The following HSP90AA1 variants were observed in gnomAD, a reference collection of about 807,000 sequenced individuals.
HSP90AA1 encodes heat shock protein 90 alpha family class A member 1, also known as heat shock protein HSP 90-alpha.
A neutral mutation model predicts 73.3 loss-of-function variants in HSP90AA1; 18 were observed. The observed-to-expected ratio is 0.25, with a 90% CI of 0.17 to 0.36. The LOEUF (loss-of-function observed/expected upper bound fraction) is 0.36, where lower values mean the gene tolerates loss of function less well. Among genes scored for constraint, HSP90AA1 ranks in the 10% least tolerant of loss-of-function variants. The probability of loss-of-function intolerance (pLI) is 1.00; values close to 1 mark genes in which losing one functional copy is unlikely to be tolerated. For synonymous variants in HSP90AA1, 477 were observed against 296.9 expected (o/e 1.61, Z -6.24); for missense variants, 704 against 874.2 (o/e 0.81, Z 2.45).
intron 4 of HSP90AA1, 92 bp downstream of exon 4, chr14:102,085,206 C>A (rs752352260): frequency 1.4e-5 from 21 of 1,463,798 alleles, no homozygotes; most frequent in Admixed American, 3.4e-5. Flanking sequence ...AGGCTTCAGA[C>A]TAGTTGAACA....
At chr14:102,125,351 A>G (rs1595679135) in intron 1 of HSP90AA1, among the ~76,000 whole-genome samples, 1 of 152,312 alleles carries the variant, frequency 6.6e-6, no homozygotes, top group African/African-American at 2.4e-5. Context: ...AACCCAGTTG[A>G]TAATTCTTGC....
intron 1 of HSP90AA1, among the ~76,000 whole-genome samples, chr14:102,118,211 G>A (rs906341646): frequency 1.3e-5 from 2 of 152,180 alleles, no homozygotes; most frequent in African/African-American, 2.4e-5. Flanking sequence ...TTCAGACAAG[G>A]GTGCCACCAG....
chr14:102,136,517 C>T (rs546206622), intron 1 of HSP90AA1, among the ~76,000 whole-genome samples: 33 of 121,330 alleles, frequency 2.7e-4, no homozygotes, highest in African/African-American at 8.8e-4. Flanking sequence ...TACGGTGAGC[C>T]GAGATCATGC....
intron 1 of HSP90AA1, among the ~76,000 whole-genome samples, chr14:102,116,248 C>T (rs1025119970): frequency 8.6e-5 from 13 of 151,252 alleles, no homozygotes; most frequent in Admixed American, 1.3e-4. Context: ...CCACTGTGCC[C>T]GGCCAAGACC....
At chr14:102,086,853 G>T in intron 1 of HSP90AA1, 133 bp downstream of exon 1, 1 of 400,820 alleles carries the variant, frequency 2.5e-6, no homozygotes, top group Non-Finnish European at 3.4e-6. Context: ...GGAATAGAAA[G>T]CGCGGCCGCC....
At chr14:102,101,182 T>TA (rs2049488682) in intron 2 of HSP90AA1, among the ~76,000 whole-genome samples, 1 of 152,166 alleles carries the variant, frequency 6.6e-6, no homozygotes, top group Non-Finnish European at 1.5e-5. Flanking sequence ...CTGCATGAGA[T>TA]ACACACATAT....
In HSP90AA1 at chr14:102,082,464, A is replaced by G; in HGVS notation, c.1756-20T>C. 2 of 1,578,426 alleles carry G rather than the reference A, an allele frequency of 1.3e-6. No individual in the cohort carries two copies. The highest frequency in any genetic ancestry group is 1.7e-6 in the Non-Finnish European group (2 of 1,153,074). ...AACCACCTGTAATCAAAAAGTGATGACTAGGAACCTAGAAAGATTAATTCC... is the reference window on the plus strand; with the variant it reads ...AACCACCTGTAATCAAAAAGTGATGGCTAGGAACCTAGAAAGATTAATTCC... On this transcript the variant is annotated intron_variant, in intron 9 of 10. Coordinates refer to ENST00000216281, the MANE Select transcript of HSP90AA1 (RefSeq NM_005348.4).
chr14:102,092,447 CT>C (rs2049371599), intron 2 of HSP90AA1, among the ~76,000 whole-genome samples: 1 of 151,806 alleles, frequency 6.6e-6, no homozygotes, highest in Admixed American at 6.6e-5. Flanking sequence ...TTTATTGGGC[CT>C]TGTTTAATGG....
chr14:102,088,344 C>T (rs1044211958), upstream of HSP90AA1, among the ~76,000 whole-genome samples: 1 of 152,184 alleles, frequency 6.6e-6, no homozygotes, highest in African/African-American at 2.4e-5. Flanking sequence ...CCTGCCTAGA[C>T]TCATAGCCAG....
chr14:102,105,219 CA>C (rs1232325237), intron 1 of HSP90AA1, among the ~76,000 whole-genome samples: 2,825 of 41,342 alleles, frequency 0.068, 186 homozygotes, highest in South Asian at 0.32. Flanking sequence ...AAAAAAAAAA[CA>C]AAAAAAAAAC....
chr14:102,127,148 T>TA (rs1316419863), intron 1 of HSP90AA1, among the ~76,000 whole-genome samples: 2 of 152,270 alleles, frequency 1.3e-5, no homozygotes, highest in Admixed American at 6.5e-5. Context: ...ACTAGCTCTT[T>TA]AAAAAATCTC....
At chr14:102,126,306 C>G (rs2049837911) in intron 1 of HSP90AA1, among the ~76,000 whole-genome samples, 1 of 151,788 alleles carries the variant, frequency 6.6e-6, no homozygotes. Flanking sequence ...TAAGGGGACA[C>G]GTGGACATGG....
intron 2 of HSP90AA1, among the ~76,000 whole-genome samples, chr14:102,096,528 C>A (rs897859166): frequency 6.6e-6 from 1 of 152,196 alleles, no homozygotes; most frequent in African/African-American, 2.4e-5. Flanking sequence ...CAGGCAAATA[C>A]GTGTCTGCCA....
chr14:102,137,222 C>A, intron 1 of HSP90AA1, among the ~76,000 whole-genome samples: 1 of 151,670 alleles, frequency 6.6e-6, no homozygotes, highest in East Asian at 1.9e-4. Flanking sequence ...GCCTGGGCAA[C>A]AGAGTGAGAC....
intron 1 of HSP90AA1, among the ~76,000 whole-genome samples, chr14:102,103,198 A>G (rs932796963): frequency 2.0e-5 from 3 of 146,870 alleles, no homozygotes; most frequent in African/African-American, 5.2e-5. Flanking sequence ...AAAAAAAAAA[A>G]AAAAAAGCAG....
chr14:102,106,116 G>C (rs975460478), intron 1 of HSP90AA1, among the ~76,000 whole-genome samples: 2 of 152,206 alleles, frequency 1.3e-5, no homozygotes, highest in Non-Finnish European at 2.9e-5. Context: ...CAAAGGAGGA[G>C]AGAGTTCCGT....
intron 1 of HSP90AA1, among the ~76,000 whole-genome samples, chr14:102,118,516 T>G (rs2049736445): frequency 6.6e-6 from 1 of 151,898 alleles, no homozygotes; most frequent in African/African-American, 2.4e-5. Flanking sequence ...GCAGGGATTA[T>G]AGGTGTGAGC....
chr14:102,085,483 C>G (rs1595658522), intron 3 of HSP90AA1, 52 bp from the exon 4 acceptor site: 2 of 1,519,018 alleles, frequency 1.3e-6, no homozygotes, highest in Middle Eastern at 1.7e-4. Context: ...TAGTGCTCAA[C>G]GCCATGCCTA....
intron 1 of HSP90AA1, among the ~76,000 whole-genome samples, chr14:102,136,030 G>A (rs1377111196): frequency 6.6e-6 from 1 of 152,242 alleles, no homozygotes; most frequent in African/African-American, 2.4e-5. Flanking sequence ...GAGGCGCCGA[G>A]AGCAAGCCAG....
Sources: allele counts gnomAD v4.1 joint callset (sites outside exome capture counted in the v4.1 genomes callset), GRCh38; gene constraint gnomAD v4.1.1; transcripts MANE v1.5; gene names NCBI Gene and HGNC (gene_info 2026-07-23, HGNC 2026-07-21).